Variants in GRB10 observed in about 807,000 individuals in gnomAD.
The protein encoded by GRB10 is growth factor receptor bound protein 10.
A neutral mutation model predicts 80.9 loss-of-function variants in GRB10; 20 were observed. That is an observed-to-expected ratio of 0.25 (90% CI 0.17 to 0.36). GRB10 has a LOEUF of 0.36. Among genes scored for constraint, GRB10 ranks in the 10% least tolerant of loss-of-function variants. The probability of loss-of-function intolerance (pLI) is 1.00; values close to 1 mark genes in which losing one functional copy is unlikely to be tolerated. For synonymous variants in GRB10, 291 were observed against 291.5 expected (o/e 1.00, Z 0.02); for missense variants, 548 against 747.7 (o/e 0.73, Z 3.12).
chr7:50,590,672 G>A lies in GRB10; in HGVS notation c.*2280C>T, dbSNP rs1248126359. The A allele has an allele frequency of 6.6e-6, 1 of 152,588 alleles. No individual in the cohort carries two copies. Among genetic ancestry groups the A allele is most frequent in the Non-Finnish European group, 1.5e-5 (1 of 68,030 alleles). 9.5% of individuals were successfully genotyped at this position (152,588 alleles called of 1,614,324 possible). A position where few individuals can be genotyped will look rare whatever the true frequency, so the allele number is the denominator to read the frequency against. ...AAAAATAAAAGTCAAATGTCCTTCC[G>A]TCCCCGGTTTGCGGGACTTGTTCTC... On this transcript the variant is annotated 3_prime_UTR_variant, in exon 19 of 19. Coordinates refer to ENST00000401949, the MANE Select transcript of GRB10 (RefSeq NM_001350814.2).
intron 3 of GRB10, among the ~76,000 whole-genome samples, chr7:50,733,300 C>A (rs2070209962): frequency 6.6e-6 from 1 of 152,188 alleles, no homozygotes; most frequent in South Asian, 2.1e-4. Context: ...AATATCCAGA[C>A]TGCGGGAAAT....
chr7:50,789,470 T>C (rs1199389494), intron 1 of GRB10, among the ~76,000 whole-genome samples: 1 of 152,206 alleles, frequency 6.6e-6, no homozygotes, highest in Non-Finnish European at 1.5e-5. Context: ...GTTCACTTGT[T>C]CAGCCTGGCC....
intron 5 of GRB10, among the ~76,000 whole-genome samples, chr7:50,678,598 C>A (rs888595761): frequency 6.6e-6 from 1 of 152,168 alleles, no homozygotes; most frequent in Admixed American, 6.5e-5. Context: ...CGAAGAGCGA[C>A]AGTTAAATCT....
At chr7:50,605,269 T>C in intron 15 of GRB10, 21 bp downstream of exon 15, 5 of 1,581,514 alleles carry the variant, frequency 3.2e-6, no homozygotes, top group Non-Finnish European at 4.3e-6. Context: ...CCCTCCAGGC[T>C]GGCCAGGGCC....
intron 8 of GRB10, among the ~76,000 whole-genome samples, chr7:50,621,069 G>A (rs1312192658): frequency 1.3e-5 from 2 of 152,226 alleles, no homozygotes; most frequent in African/African-American, 4.8e-5. Flanking sequence ...AGGGCATTTT[G>A]TCTCCAAAGA....
At chr7:50,617,819 G>C in intron 10 of GRB10, 3 of 566,378 alleles carry the variant, frequency 5.3e-6, no homozygotes, top group Non-Finnish European at 9.4e-6. Context: ...ACTCTTCTAA[G>C]TCAGAGCAAG....
chr7:50,642,681 C>T (rs921269097), intron 7 of GRB10, among the ~76,000 whole-genome samples: 11 of 152,002 alleles, frequency 7.2e-5, no homozygotes, highest in African/African-American at 2.2e-4. Context: ...ATTTCAAAAT[C>T]AGAAAAAAAT....
intron 8 of GRB10, among the ~76,000 whole-genome samples, chr7:50,625,386 T>TTA (rs551248898): frequency 0.025 from 3,858 of 151,886 alleles, 146 homozygotes; most frequent in African/African-American, 0.087. Flanking sequence ...TTTTAAAATT[T>TTA]TATATATATA....
intron 5 of GRB10, among the ~76,000 whole-genome samples, chr7:50,680,943 T>C (rs1423160707): frequency 2.0e-5 from 3 of 152,080 alleles, no homozygotes; most frequent in African/African-American, 7.2e-5. Flanking sequence ...TCCAAGAAGA[T>C]CCCAATATGA....
At chr7:50,608,215 A>G (rs1357365465) in intron 13 of GRB10, among the ~76,000 whole-genome samples, 4 of 152,230 alleles carry the variant, frequency 2.6e-5, no homozygotes, top group African/African-American at 9.6e-5. Flanking sequence ...AAAATGTCAA[A>G]AACAACCAGA....
intron 17 of GRB10, among the ~76,000 whole-genome samples, chr7:50,597,441 C>A (rs1007478148): frequency 2.0e-4 from 27 of 138,146 alleles, no homozygotes; most frequent in Non-Finnish European, 4.0e-4. Flanking sequence ...ACCTCAAAGA[C>A]TTGTCAGAGT....
Position 50,592,769 on chromosome 7 carries a change from A to T in GRB10, c.*183T>A. On this transcript the variant is annotated 3_prime_UTR_variant, in exon 19 of 19. Transcript: ENST00000401949. ...AGAGGGAGGCGACCCTGCTGGGTTCACAGCAGCAAATCGTCGTTTAAGTCC... is the reference window on the plus strand; with the variant it reads ...AGAGGGAGGCGACCCTGCTGGGTTCTCAGCAGCAAATCGTCGTTTAAGTCC... 1.4e-6 allele frequency: 1 copy of T among 703,966 alleles called. No homozygotes were observed. Among genetic ancestry groups the T allele is most frequent in the Non-Finnish European group, 2.4e-6 (1 of 409,282 alleles). The allele number at this position is 703,966 out of a possible 1,614,324, so 43.6% of individuals were successfully genotyped here. A position where few individuals can be genotyped will look rare whatever the true frequency, so the allele number is the denominator to read the frequency against.
intron 7 of GRB10, among the ~76,000 whole-genome samples, chr7:50,648,074 G>A (rs976954450): frequency 3.3e-5 from 5 of 152,094 alleles, no homozygotes; most frequent in African/African-American, 1.2e-4. Context: ...AATGTAAACC[G>A]GGGAGTAATC....
chr7:50,674,658 T>A lies in GRB10; in HGVS notation c.140A>T (p.Glu47Val). 1.2e-6 allele frequency: 2 copies of A among 1,613,420 alleles called. No individual in the cohort carries two copies. The change falls in exon 6 of 19, where the codon GAG becomes GTG. Residue 47 changes from glutamate (E) to valine (V), a missense_variant and splice_region_variant. By Grantham distance (121) the Glu-to-Val change is moderately radical. Transcript: ENST00000401949. ...AQSDRLANHQEDDVDLEALVN... is the reference protein window; with the variant it reads ...AQSDRLANHQVDDVDLEALVN... ...CAGGGCTTCCAGGTCCACATCATCCTCTGCACAGAAAAAGGCAAGAGCAAA... is the reference window on the plus strand; with the variant it reads ...CAGGGCTTCCAGGTCCACATCATCCACTGCACAGAAAAAGGCAAGAGCAAA...
In GRB10 at chr7:50,710,791, T is replaced by C. The variant is rs746290891; in HGVS notation, c.52-6883A>G. The C allele has an allele frequency of 4.8e-6, 7 of 1,457,568 alleles. No individual in the cohort carries two copies. The East Asian group carries it at 6.8e-5, about 14-fold the overall frequency. 90.3% of individuals were successfully genotyped at this position (1,457,568 alleles called of 1,614,324 possible). On this transcript the variant is annotated intron_variant, in intron 4 of 18. Transcript: ENST00000401949. ...GAACGACCACTTCATAGGTCACTTCTGAGGTTCAAATTAAAATAACATAAA... is the reference window on the plus strand; with the variant it reads ...GAACGACCACTTCATAGGTCACTTCCGAGGTTCAAATTAAAATAACATAAA...
At chr7:50,757,249 G>C (rs2075215361) in intron 2 of GRB10, among the ~76,000 whole-genome samples, 1 of 152,178 alleles carries the variant, frequency 6.6e-6, no homozygotes, top group Non-Finnish European at 1.5e-5. Context: ...AGTGTTCCCA[G>C]CTATAAAATC....
intron 3 of GRB10, among the ~76,000 whole-genome samples, chr7:50,750,536 G>A (rs1357576084): frequency 7.9e-5 from 12 of 152,198 alleles, no homozygotes; most frequent in Admixed American, 7.9e-4. Flanking sequence ...CGTTGAGCCT[G>A]CCGAGAGTCT....
At chr7:50,686,683 G>C (rs556181203) in intron 5 of GRB10, among the ~76,000 whole-genome samples, 4 of 151,952 alleles carry the variant, frequency 2.6e-5, no homozygotes, top group Non-Finnish European at 5.9e-5. Context: ...ACCATTTTTT[G>C]AGCACCTGCA....
At chr7:50,742,269 G>GCA (rs1328460498) in intron 3 of GRB10, among the ~76,000 whole-genome samples, 7 of 32,640 alleles carry the variant, frequency 2.1e-4, no homozygotes, top group Non-Finnish European at 1.9e-3. Context: ...GCACGCGCGC[G>GCA]CGCACACACA....
Sources: gnomAD v4.1 joint callset for allele counts (sites outside exome capture counted in the v4.1 genomes callset) on GRCh38, gnomAD v4.1.1 for gene constraint, MANE v1.5 for transcripts, NCBI Gene and HGNC (gene_info 2026-07-23, HGNC 2026-07-21) for gene names.